The following ADD1 variants were observed in gnomAD, a reference collection of about 807,000 sequenced individuals.
ADD1 encodes alpha-adducin.
Under a neutral mutation model 80.5 loss-of-function variants are expected in ADD1, and 24 were observed. The ratio of observed to expected loss-of-function variants is 0.30; its 90% CI spans 0.22 to 0.42. ADD1 has a LOEUF of 0.42. ADD1 is among the 10% of genes least tolerant of loss of function. The pLI is 1.00. For missense variants in ADD1, 948 were observed against 1,019.0 expected, an observed-to-expected ratio of 0.93 and a Z score of 0.95; for synonymous variants, 373 against 393.8, an observed-to-expected ratio of 0.95 and a Z score of 0.63.
intron 1 of ADD1, among the ~76,000 whole-genome samples, chr4:2,863,011 T>C (rs1207247771): frequency 1.3e-5 from 2 of 152,072 alleles, no homozygotes; most frequent in Non-Finnish European, 2.9e-5. Context: ...TATAGAGACT[T>C]CTGGAGTGTG....
intron 14 of ADD1, among the ~76,000 whole-genome samples, chr4:2,922,783 T>C (rs1477207619): frequency 6.6e-6 from 1 of 152,232 alleles, no homozygotes; most frequent in Non-Finnish European, 1.5e-5. Context: ...ATGGGACTTT[T>C]ATCTATAAGC....
intron 4 of ADD1, among the ~76,000 whole-genome samples, chr4:2,889,261 G>T (rs1038624485): frequency 6.6e-6 from 1 of 152,158 alleles, no homozygotes; most frequent in Admixed American, 6.6e-5. Context: ...AATGATGGCT[G>T]CTGGGATGCT....
Position 2,929,663 on chromosome 4 carries a change from G to C in ADD1, c.*1140G>C, listed in dbSNP as rs1712686393. 2.0e-5 allele frequency: 3 copies of C among 152,272 alleles called. No homozygotes were observed. Among genetic ancestry groups the C allele is most frequent in the Admixed American group, 6.5e-5 (1 of 15,282 alleles). 9.4% of individuals were successfully genotyped at this position (152,272 alleles called of 1,614,324 possible). ...GCCCAACAGGCCCTTGGTAGAGCTGGTGCCAGATGTGGGCTCAGATCCTGG... is the reference window on the plus strand; with the variant it reads ...GCCCAACAGGCCCTTGGTAGAGCTGCTGCCAGATGTGGGCTCAGATCCTGG... On this transcript the variant is annotated 3_prime_UTR_variant, in exon 16 of 16. Coordinates refer to ENST00000683351, the MANE Select transcript of ADD1 (RefSeq NM_001354761.2).
chr4:2,890,007 T>G (rs1175297507), intron 4 of ADD1, among the ~76,000 whole-genome samples: 2 of 151,612 alleles, frequency 1.3e-5, no homozygotes, highest in African/African-American at 4.8e-5. Context: ...GAGACCAGTG[T>G]GGCCAACATG....
intron 1 of ADD1, among the ~76,000 whole-genome samples, chr4:2,852,667 TTCTG>T (rs1180112318): frequency 6.7e-6 from 1 of 148,466 alleles, no homozygotes; most frequent in African/African-American, 2.5e-5. Context: ...ACTAGGTGTT[TTCTG>T]TACTGTTTGT....
chr4:2,867,756 C>CT (rs1729765283), intron 1 of ADD1: 1 of 152,098 alleles, frequency 6.6e-6, no homozygotes, highest in Non-Finnish European at 1.5e-5. Flanking sequence ...TTACTTTTTG[C>CT]TTTTGTTTCT....
intron 13 of ADD1, chr4:2,914,618 T>C (rs376649820): frequency 4.4e-5 from 16 of 361,296 alleles, no homozygotes; most frequent in East Asian, 1.5e-4. Context: ...TGGGTCTGCA[T>C]TGGGCTTTTG....
At chr4:2,876,459 T>C (rs1252991566) in intron 2 of ADD1, 1 of 158,804 alleles carries the variant, frequency 6.3e-6, no homozygotes. Context: ...CCCAGCACTT[T>C]GGGAGGCCGA....
chr4:2,923,963 C>G (rs1740538423), intron 14 of ADD1, among the ~76,000 whole-genome samples: 1 of 152,252 alleles, frequency 6.6e-6, no homozygotes, highest in Non-Finnish European at 1.5e-5. Context: ...AACGTCCTTA[C>G]TGTGCTTGTG....
At chr4:2,897,560 T>G (rs1346652281) in intron 6 of ADD1, among the ~76,000 whole-genome samples, 2 of 147,496 alleles carry the variant, frequency 1.4e-5, no homozygotes, top group African/African-American at 2.5e-5. Context: ...TTTTTTTTTT[T>G]TTTTTAGGAG....
chr4:2,923,494 T>C (rs1740432500), intron 14 of ADD1, among the ~76,000 whole-genome samples: 1 of 152,264 alleles, frequency 6.6e-6, no homozygotes, highest in Non-Finnish European at 1.5e-5. Context: ...CCCAGGGAGA[T>C]GAGCCAGGTA....
intron 1 of ADD1, among the ~76,000 whole-genome samples, chr4:2,853,884 G>A (rs1401280802): frequency 1.3e-5 from 2 of 152,134 alleles, no homozygotes; most frequent in East Asian, 3.9e-4. Context: ...GATTAAAGGC[G>A]TGAGCGACCG....
At chr4:2,852,182 CTTTCTTT>C (rs776294620) in intron 1 of ADD1, among the ~76,000 whole-genome samples, 5,657 of 61,690 alleles carry the variant, frequency 0.092, 157 homozygotes, top group Middle Eastern at 0.16. Flanking sequence ...TTCTTTCTTT[CTTTCTTT>C]CTTTCTTTCC....
At chr4:2,915,379 G>A (rs956500818) in intron 14 of ADD1, among the ~76,000 whole-genome samples, 2 of 152,074 alleles carry the variant, frequency 1.3e-5, no homozygotes, top group African/African-American at 4.8e-5. Context: ...GGTGGCTCAC[G>A]CCTATAATCC....
chr4:2,891,942 G>A (rs1341512844), intron 4 of ADD1, among the ~76,000 whole-genome samples: 1 of 152,164 alleles, frequency 6.6e-6, no homozygotes, highest in African/African-American at 2.4e-5. Flanking sequence ...AGGCAGTGGT[G>A]ACAAACACAG....
At chr4:2,880,451 AT>A (rs1288365726) in intron 2 of ADD1, among the ~76,000 whole-genome samples, 1 of 97,562 alleles carries the variant, frequency 1.0e-5, no homozygotes, top group Non-Finnish European at 2.2e-5. Flanking sequence ...TTGACAAGAT[AT>A]TTCTTTCTTT....
intron 14 of ADD1, among the ~76,000 whole-genome samples, chr4:2,915,386 A>G (rs1449134077): frequency 6.6e-6 from 1 of 152,228 alleles, no homozygotes; most frequent in Non-Finnish European, 1.5e-5. Flanking sequence ...CACGCCTATA[A>G]TCCCAGCACT....
chr4:2,920,016 C>T (rs1739734072), intron 14 of ADD1, among the ~76,000 whole-genome samples: 3 of 152,204 alleles, frequency 2.0e-5, no homozygotes, highest in Admixed American at 6.5e-5. Context: ...TTAGCTGTGT[C>T]CCAGAGATTC....
At chr4:2,895,788 A>C (rs957026887) in intron 6 of ADD1, among the ~76,000 whole-genome samples, 1 of 152,216 alleles carries the variant, frequency 6.6e-6, no homozygotes, top group Non-Finnish European at 1.5e-5. Context: ...TGTCATGTGA[A>C]AGCACAGTAC....
Sources: allele counts gnomAD v4.1 joint callset (sites outside exome capture counted in the v4.1 genomes callset), GRCh38; gene constraint gnomAD v4.1.1; transcripts MANE v1.5; gene names NCBI Gene and HGNC (gene_info 2026-07-23, HGNC 2026-07-21).